SENP6: variants seen among roughly 807,000 people sequenced by gnomAD.
The protein encoded by SENP6 is sentrin-specific protease 6.
In SENP6, 41 loss-of-function variants were observed where a neutral mutation model predicts 134.5. The observed-to-expected ratio is 0.30, with a 90% CI of 0.24 to 0.40. The LOEUF (loss-of-function observed/expected upper bound fraction) is 0.40, where lower values mean the gene tolerates loss of function less well. Ranked by LOEUF, SENP6 falls within the 10% of genes least tolerant of loss-of-function variation. The pLI is 1.00. For synonymous variants in SENP6, 395 were observed against 429.8 expected, an observed-to-expected ratio of 0.92 and a Z score of 1.00; for missense variants, 1,248 against 1,312.5, an observed-to-expected ratio of 0.95 and a Z score of 0.76.
intron 11 of SENP6, among the ~76,000 whole-genome samples, chr6:75,673,686 G>C (rs1462769086): frequency 6.6e-6 from 1 of 152,038 alleles, no homozygotes; most frequent in Non-Finnish European, 1.5e-5. Flanking sequence ...CAAATACTTA[G>C]ATATCACTTC....
At chr6:75,603,815 G>GA (rs551316244) in intron 1 of SENP6, among the ~76,000 whole-genome samples, 244 of 151,788 alleles carry the variant, frequency 1.6e-3, no homozygotes, top group South Asian at 6.1e-3. Context: ...ATAGTAAAGT[G>GA]AAAAAAAAGT....
chr6:75,667,816 A>T (rs1246417864), intron 10 of SENP6, among the ~76,000 whole-genome samples: 1 of 152,216 alleles, frequency 6.6e-6, no homozygotes, highest in Non-Finnish European at 1.5e-5. Flanking sequence ...ATATGGCTGA[A>T]AAAGTTAAGG....
At chr6:75,640,230 A>G (rs1769920712) in intron 5 of SENP6, among the ~76,000 whole-genome samples, 1 of 152,164 alleles carries the variant, frequency 6.6e-6, no homozygotes, top group Admixed American at 6.6e-5. Context: ...GCTCACAAAA[A>G]CATTTGCTCG....
At chr6:75,670,053 C>T (rs1398130031) in intron 10 of SENP6, among the ~76,000 whole-genome samples, 1 of 151,522 alleles carries the variant, frequency 6.6e-6, no homozygotes, top group Non-Finnish European at 1.5e-5. Flanking sequence ...CCTGCCTCAG[C>T]CTCCTGAGTA....
Position 75,670,655 on chromosome 6 carries a change from G to A in SENP6, c.1327G>A (p.Val443Ile). 1 of 1,613,274 alleles carries A rather than the reference G, an allele frequency of 6.2e-7. No homozygotes were observed. The change falls in exon 11 of 24, where the codon GTC becomes ATC. Residue 443 changes from valine (V) to isoleucine (I), a missense_variant. Val to Ile is a conservative substitution (Grantham distance 29). Transcript: ENST00000447266. ...AAGCTGCCAAAGTTCCTTTGACAGTGTCATTTTAAACTGTCGAAGTATACG... is the reference window on the plus strand; with the variant it reads ...AAGCTGCCAAAGTTCCTTTGACAGTATCATTTTAAACTGTCGAAGTATACG... Reference protein sequence around the residue: ...ALSCQSSFDSVILNCRSIRVG... With the variant: ...ALSCQSSFDSIILNCRSIRVG...
chr6:75,671,168 A>G (rs531562280), intron 11 of SENP6, among the ~76,000 whole-genome samples: 14 of 152,332 alleles, frequency 9.2e-5, no homozygotes, highest in African/African-American at 3.4e-4. Flanking sequence ...TATCTTACCC[A>G]TCATACCTGT....
chr6:75,627,686 C>CT (rs1002777375), intron 3 of SENP6, among the ~76,000 whole-genome samples: 12 of 151,102 alleles, frequency 7.9e-5, no homozygotes, highest in East Asian at 1.9e-4. Context: ...TTTCAGATTG[C>CT]TTTTTTTTTG....
At chr6:75,602,728 G>C in intron 1 of SENP6, 152 bp downstream of exon 1, 1 of 870,496 alleles carries the variant, frequency 1.1e-6, no homozygotes, top group South Asian at 1.7e-5. Flanking sequence ...AGTGTGCTGC[G>C]AGCGCACCTG....
intron 16 of SENP6, among the ~76,000 whole-genome samples, chr6:75,688,361 A>AT (rs757189951): frequency 5.3e-5 from 8 of 152,244 alleles, no homozygotes; most frequent in Admixed American, 2.0e-4. Flanking sequence ...GGGTGAGGTG[A>AT]TGCCCCGCCC....
chr6:75,685,563 G>A (rs528389783), intron 16 of SENP6, among the ~76,000 whole-genome samples: 1 of 152,220 alleles, frequency 6.6e-6, no homozygotes, highest in South Asian at 2.1e-4. Context: ...AAATTAAGGT[G>A]ATTTAAATGT....
chr6:75,628,602 T>C (rs1317748828), intron 3 of SENP6, among the ~76,000 whole-genome samples: 1 of 152,206 alleles, frequency 6.6e-6, no homozygotes, highest in Non-Finnish European at 1.5e-5. Context: ...ATAACAATTG[T>C]ACATATTTAT....
intron 3 of SENP6, among the ~76,000 whole-genome samples, chr6:75,631,172 C>T (rs1265937249): frequency 2.0e-5 from 3 of 152,134 alleles, no homozygotes; most frequent in Non-Finnish European, 2.9e-5. Flanking sequence ...TTTTAACATA[C>T]ATATGTCTCT....
chr6:75,659,580 T>C (rs1438275544), intron 8 of SENP6, among the ~76,000 whole-genome samples, 173 bp downstream of exon 8: 1 of 152,212 alleles, frequency 6.6e-6, no homozygotes, highest in Non-Finnish European at 1.5e-5. Flanking sequence ...TTGTTCAAAA[T>C]ATAGAATTTA....
chr6:75,709,771 T>TTCAA, intron 20 of SENP6, 141 bp downstream of exon 20: 1 of 495,948 alleles, frequency 2.0e-6, no homozygotes, highest in East Asian at 2.9e-5. Context: ...GGAGTTTGAG[T>TTCAA]TCAGCCTGGG....
At position 75,668,910 on chromosome 6, in the gene SENP6, G is replaced by C. The variant is rs1455139717; in HGVS notation, c.1225-1643G>C. On this transcript the variant is annotated intron_variant, in intron 10 of 23. Transcript: ENST00000447266. The stretch of plus-strand genomic sequence containing the variant: ...GAGGGTGTGGACCATTCATATTCTA[G>C]ACTAAATCCTTTATTGTAGATTCAG... 2.0e-5 allele frequency among the ~76,000 whole-genome samples: 3 copies of C among 152,134 alleles called. No individual in the cohort carries two copies. In the East Asian group the frequency reaches 5.8e-4, roughly 29 times the overall value.
At chr6:75,608,538 GGAAA>G (rs1017860966) in intron 1 of SENP6, among the ~76,000 whole-genome samples, 13 of 151,080 alleles carry the variant, frequency 8.6e-5, no homozygotes, top group African/African-American at 2.4e-4. Flanking sequence ...AAGAGAGGAA[GGAAA>G]GAAAGGAAGA....
chr6:75,705,925 C>CT lies in SENP6; in HGVS notation c.2716+2882dup, dbSNP rs71544062. On this transcript the variant is annotated intron_variant, in intron 19 of 23. Coordinates refer to ENST00000447266, the MANE Select transcript of SENP6 (RefSeq NM_015571.4). The stretch of plus-strand genomic sequence containing the variant: ...GTGAGTTAGAAAGCTATTTTTGAGC[C>CT]TTTTTTTTTTTTTTTTTTTTTTTTT... 5.8e-3 allele frequency among the ~76,000 whole-genome samples: 278 copies of CT among 47,968 alleles called. 19 individuals are homozygous for CT. The highest frequency in any genetic ancestry group is 7.9e-3 in the South Asian group (8 of 1,016). The allele number at this position is 47,968 out of a possible 152,430, so 31.5% of individuals were successfully genotyped here. A position where few individuals can be genotyped will look rare whatever the true frequency, so the allele number is the denominator to read the frequency against.
At chr6:75,656,997 A>G (rs1340221561) in intron 7 of SENP6, among the ~76,000 whole-genome samples, 2 of 152,186 alleles carry the variant, frequency 1.3e-5, no homozygotes, top group Non-Finnish European at 2.9e-5. Context: ...CATAATCAGG[A>G]TGAAATGATA....
intron 7 of SENP6, among the ~76,000 whole-genome samples, chr6:75,649,318 AGT>A (rs1212147341): frequency 6.6e-6 from 1 of 151,956 alleles, no homozygotes; most frequent in African/African-American, 2.4e-5. Context: ...TGGTCTCAAA[AGT>A]GAAAAAAAAA....
Sources: allele counts gnomAD v4.1 joint callset (sites outside exome capture counted in the v4.1 genomes callset), GRCh38; gene constraint gnomAD v4.1.1; transcripts MANE v1.5; gene names NCBI Gene and HGNC (gene_info 2026-07-23, HGNC 2026-07-21).